Variants in NAV2 observed in about 807,000 individuals in gnomAD.
NAV2 encodes the protein neuron navigator 2.
Under a neutral mutation model 223.2 loss-of-function variants are expected in NAV2, and 54 were observed. The ratio of observed to expected loss-of-function variants is 0.24; its 90% CI spans 0.19 to 0.30. The LOEUF (loss-of-function observed/expected upper bound fraction) is 0.30. Among genes scored for constraint, NAV2 ranks in the 10% least tolerant of loss-of-function variants. The pLI is 1.00. For missense variants in NAV2, 2,806 were observed against 3,147.5 expected, an observed-to-expected ratio of 0.89 and a Z score of 2.60; for synonymous variants, 1,279 against 1,239.3, an observed-to-expected ratio of 1.03 and a Z score of -0.67.
chr11:19,458,504 A>G (rs956728429), intron 1 of NAV2, among the ~76,000 whole-genome samples: 1 of 152,208 alleles, frequency 6.6e-6, no homozygotes, highest in African/African-American at 2.4e-5. Flanking sequence ...CCTACAAATG[A>G]ATTGTGATAA....
chr11:19,463,284 G>A (rs1312446451), intron 1 of NAV2, among the ~76,000 whole-genome samples: 1 of 152,248 alleles, frequency 6.6e-6, no homozygotes, highest in Non-Finnish European at 1.5e-5. Context: ...CACCTACTAT[G>A]TTTCAGGCAT....
intron 1 of NAV2, among the ~76,000 whole-genome samples, chr11:19,581,978 C>T (rs1469513739): frequency 6.6e-6 from 1 of 152,204 alleles, no homozygotes; most frequent in African/African-American, 2.4e-5. Flanking sequence ...TACAGTCCCA[C>T]CAACAGTGTA....
rs1170446222 is a variant in NAV2, at chr11:19,934,342, C to T, written c.2033+65C>T. 55 of 1,485,688 alleles carry T rather than the reference C, an allele frequency of 3.7e-5. No homozygotes were observed. The East Asian group carries it at 4.2e-4, about 11-fold the overall frequency. 92.0% of individuals were successfully genotyped at this position (1,485,688 alleles called of 1,614,324 possible). A position where few individuals can be genotyped will look rare whatever the true frequency, so the allele number is the denominator to read the frequency against. Reference sequence around the variant, plus strand: ...GTAAAAGTTCCTTTATAGTGGATTCCGGGTCTGTAAGGGCAGAAGCTAGAC... The same window carrying T: ...GTAAAAGTTCCTTTATAGTGGATTCTGGGTCTGTAAGGGCAGAAGCTAGAC... On this transcript the variant is annotated intron_variant, in intron 7 of 37. Coordinates refer to ENST00000349880, the MANE Select transcript of NAV2 (RefSeq NM_145117.5).
chr11:19,747,093 T>C, intron 1 of NAV2, among the ~76,000 whole-genome samples: 1 of 111,060 alleles, frequency 9.0e-6, no homozygotes, highest in South Asian at 3.4e-4. Flanking sequence ...CCTTCCTGTG[T>C]CCATGTGTTC....
At position 20,077,984 on chromosome 11, in the gene NAV2, G is replaced by A. The variant is rs577876997; in HGVS notation, c.5068-9G>A. Reference sequence around the variant, plus strand: ...TTTAGGCTGACCAATAATTTTTTCTGTTCCCTAGGACTCAGAACTGAATGA... The same window carrying A: ...TTTAGGCTGACCAATAATTTTTTCTATTCCCTAGGACTCAGAACTGAATGA... On this transcript the variant is annotated splice_polypyrimidine_tract_variant and intron_variant, in intron 23 of 37. Transcript: ENST00000349880. 25 of 1,604,480 alleles carry A rather than the reference G, an allele frequency of 1.6e-5. No individual in the cohort carries two copies. The highest frequency in any genetic ancestry group is 2.1e-5 in the Non-Finnish European group (25 of 1,172,096).
chr11:19,385,765 T>TTTTTTTTTTC (rs1849013429), intron 1 of NAV2, among the ~76,000 whole-genome samples: 3 of 19,982 alleles, frequency 1.5e-4, no homozygotes, highest in South Asian at 2.3e-3. Context: ...TTTTTTTTTT[T>TTTTTTTTTTC]TTTTTTTTTT....
intron 1 of NAV2, among the ~76,000 whole-genome samples, chr11:19,831,780 C>A (rs980760778): frequency 6.6e-6 from 1 of 152,312 alleles, no homozygotes; most frequent in Non-Finnish European, 1.5e-5. Flanking sequence ...TTCCATGGGT[C>A]AGCCAGTCTT....
intron 1 of NAV2, among the ~76,000 whole-genome samples, chr11:19,424,452 C>T (rs923370554): frequency 2.6e-5 from 4 of 152,102 alleles, no homozygotes; most frequent in East Asian, 1.9e-4. Flanking sequence ...ATTTGACTGT[C>T]GAAATTAAAG....
At chr11:20,024,466 G>A (rs542112571) in intron 11 of NAV2, among the ~76,000 whole-genome samples, 31 of 151,912 alleles carry the variant, frequency 2.0e-4, no homozygotes, top group Admixed American at 1.6e-3. Flanking sequence ...TTCTTAAGAC[G>A]CTGAATGTAT....
intron 1 of NAV2, among the ~76,000 whole-genome samples, chr11:19,421,148 C>T (rs1850594802): frequency 6.6e-6 from 1 of 152,218 alleles, no homozygotes; most frequent in Non-Finnish European, 1.5e-5. Context: ...TTCTCTCCAT[C>T]TCTTCATGTT....
At chr11:19,953,861 G>GTGTA (rs1555167234) in intron 10 of NAV2, among the ~76,000 whole-genome samples, 3 of 150,348 alleles carry the variant, frequency 2.0e-5, no homozygotes, top group African/African-American at 7.4e-5. Context: ...GCGCGCGCGT[G>GTGTA]TGTGTGTGTG....
chr11:19,623,698 C>T (rs1466194977), intron 1 of NAV2, among the ~76,000 whole-genome samples: 8 of 152,162 alleles, frequency 5.3e-5, no homozygotes, highest in Non-Finnish European at 1.2e-4. Flanking sequence ...AGCTTCTTTG[C>T]GATGGGTTCG....
At chr11:19,942,414 A>G (rs2046477381) in intron 8 of NAV2, among the ~76,000 whole-genome samples, 1 of 152,336 alleles carries the variant, frequency 6.6e-6, no homozygotes, top group South Asian at 2.1e-4. Flanking sequence ...TATGTGCCAT[A>G]TCATCTGACT....
intron 1 of NAV2, among the ~76,000 whole-genome samples, chr11:19,581,672 A>T (rs576786391): frequency 6.6e-6 from 1 of 152,178 alleles, no homozygotes; most frequent in African/African-American, 2.4e-5. Flanking sequence ...AGCTTCATCC[A>T]TGTCCCTACA....
At chr11:20,070,559 A>G (rs2059336123) in intron 22 of NAV2, among the ~76,000 whole-genome samples, 1 of 152,144 alleles carries the variant, frequency 6.6e-6, no homozygotes. Flanking sequence ...CACTGAATCC[A>G]GTATTGTTTT....
At chr11:19,363,991 A>G (rs1434348946) in intron 1 of NAV2, among the ~76,000 whole-genome samples, 1 of 152,022 alleles carries the variant, frequency 6.6e-6, no homozygotes, top group Non-Finnish European at 1.5e-5. Flanking sequence ...TCTGAATCTC[A>G]TGGTTTATGG....
intron 1 of NAV2, among the ~76,000 whole-genome samples, chr11:19,560,367 G>C (rs1273131996): frequency 6.6e-6 from 1 of 152,170 alleles, no homozygotes; most frequent in Non-Finnish European, 1.5e-5. Flanking sequence ...GATGGCTTTG[G>C]AATCAAACTT....
At chr11:19,954,991 G>A (rs1461824668) in intron 10 of NAV2, among the ~76,000 whole-genome samples, 45 of 150,430 alleles carry the variant, frequency 3.0e-4, no homozygotes, top group African/African-American at 9.1e-4. Flanking sequence ...ATATATATGG[G>A]ATAGGAAAGA....
chr11:19,455,333 C>A (rs1320767306), intron 1 of NAV2, among the ~76,000 whole-genome samples: 14 of 152,136 alleles, frequency 9.2e-5, no homozygotes, highest in Admixed American at 2.6e-4. Flanking sequence ...GTCTGTTTAC[C>A]ATATCCCTAG....
Sources: allele counts gnomAD v4.1 joint callset (sites outside exome capture counted in the v4.1 genomes callset), GRCh38; gene constraint gnomAD v4.1.1; transcripts MANE v1.5; gene names NCBI Gene and HGNC (gene_info 2026-07-23, HGNC 2026-07-21).